MALRD1: variants seen among roughly 807,000 people sequenced by gnomAD.
The protein encoded by MALRD1 is MAM and LDL-receptor class A domain-containing protein 1.
A neutral mutation model predicts 242.1 loss-of-function variants in MALRD1; 247 were observed. That is an observed-to-expected ratio of 1.02 (90% CI 0.92 to 1.13). The LOEUF is 1.13. Ranked by LOEUF, MALRD1 falls within the 50% of genes most tolerant of loss-of-function variation. The probability of loss-of-function intolerance (pLI) is 0.00; values close to 1 mark genes in which losing one functional copy is unlikely to be tolerated. For missense variants in MALRD1, 2,989 were observed against 2,533.1 expected (o/e 1.18, Z -3.86); for synonymous variants, 995 against 866.6 (o/e 1.15, Z -2.60).
intron 29 of MALRD1, among the ~76,000 whole-genome samples, chr10:19,463,553 AGTGTGTGTGTGT>A (rs142025703): frequency 0.27 from 40,433 of 149,948 alleles, 5,745 homozygotes; most frequent in East Asian, 0.43. Flanking sequence ...GTGGCTGAGT[AGTGTGTGTGTGT>A]GTGTGTGTGT....
At chr10:19,574,166 A>G (rs1226508892) in intron 33 of MALRD1, among the ~76,000 whole-genome samples, 1 of 152,182 alleles carries the variant, frequency 6.6e-6, no homozygotes, top group Non-Finnish European at 1.5e-5. Flanking sequence ...AGAGACTCCC[A>G]TTCTTCTCTG....
At chr10:19,564,200 C>T (rs1589244738) in intron 32 of MALRD1, among the ~76,000 whole-genome samples, 1 of 152,170 alleles carries the variant, frequency 6.6e-6, no homozygotes, top group African/African-American at 2.4e-5. Flanking sequence ...TTTGTATTAC[C>T]TCTTCATATC....
chr10:19,686,807 C>A (rs1318426391), intron 36 of MALRD1, among the ~76,000 whole-genome samples: 1 of 152,120 alleles, frequency 6.6e-6, no homozygotes, highest in Admixed American at 6.5e-5. Context: ...TTGAAGGCGG[C>A]AACCACAGCA....
intron 32 of MALRD1, among the ~76,000 whole-genome samples, chr10:19,537,410 A>G (rs1377291296): frequency 1.3e-5 from 2 of 148,312 alleles, no homozygotes; most frequent in Admixed American, 1.3e-4. Context: ...TGCGAAGTCC[A>G]AGATCAAGGG....
At chr10:19,515,661 G>A (rs74661552) in intron 31 of MALRD1, among the ~76,000 whole-genome samples, 37,460 of 151,864 alleles carry the variant, frequency 0.25, 7,366 homozygotes, top group African/African-American at 0.55. Context: ...CCGGGTTCAC[G>A]CCATTCTCCT....
At chr10:19,238,495 T>C in intron 18 of MALRD1, among the ~76,000 whole-genome samples, 1 of 8,224 alleles carries the variant, frequency 1.2e-4, no homozygotes, top group Non-Finnish European at 1.9e-4. Context: ...ATATATAATA[T>C]ATAATATAAT....
chr10:19,140,318 T>C lies in MALRD1; in HGVS notation c.1411+3537T>C, dbSNP rs567352264. ...AAATATGCAAGAGAAAGCTTTGTCA[T>C]GATCTTAAAATATTACTTTAACTGA... On this transcript the variant is annotated intron_variant, in intron 10 of 39. Transcript: ENST00000454679. Among the ~76,000 whole-genome samples the C allele has an allele frequency of 2.0e-5, 3 of 152,342 alleles. No individual in the cohort carries two copies. The South Asian group carries it at 6.2e-4, about 32-fold the overall frequency.
Position 19,293,562 on chromosome 10 carries a change from T to A in MALRD1, c.3419+10381T>A, listed in dbSNP as rs577490782. Among the ~76,000 whole-genome samples the A allele has an allele frequency of 2.0e-5, 3 of 152,346 alleles. No homozygotes were observed. The East Asian group carries it at 5.8e-4, about 29-fold the overall frequency. On this transcript the variant is annotated intron_variant, in intron 21 of 39. Coordinates refer to ENST00000454679, the MANE Select transcript of MALRD1 (RefSeq NM_001142308.3). ...AAAGATATTTTATCTGGATAATTTT[T>A]AAAAATTAACTAGAAAAGAACGAGA...
chr10:19,140,201 G>A (rs980917099), intron 10 of MALRD1, among the ~76,000 whole-genome samples: 3 of 151,990 alleles, frequency 2.0e-5, no homozygotes, highest in Non-Finnish European at 2.9e-5. Context: ...AACTTCTGGA[G>A]GATTCATAAA....
chr10:19,383,064 T>C (rs2130791499), intron 26 of MALRD1, among the ~76,000 whole-genome samples: 1 of 152,296 alleles, frequency 6.6e-6, no homozygotes, highest in African/African-American at 2.4e-5. Flanking sequence ...AACTCTATGT[T>C]CACAGTTTAC....
intron 5 of MALRD1, among the ~76,000 whole-genome samples, chr10:19,114,878 T>A (rs1836815553): frequency 6.6e-6 from 1 of 152,194 alleles, no homozygotes; most frequent in African/African-American, 2.4e-5. Flanking sequence ...GGCTGTTTTC[T>A]CCCTGTGTCT....
intron 28 of MALRD1, among the ~76,000 whole-genome samples, chr10:19,425,626 T>A (rs971266822): frequency 6.6e-6 from 1 of 152,160 alleles, no homozygotes; most frequent in Non-Finnish European, 1.5e-5. Flanking sequence ...TGAGGGACAG[T>A]GTACCTGTTC....
chr10:19,530,350 ATAT>A (rs1834304248), intron 31 of MALRD1, among the ~76,000 whole-genome samples: 1 of 120,060 alleles, frequency 8.3e-6, no homozygotes, highest in African/African-American at 3.6e-5. Flanking sequence ...TTATATAAAT[ATAT>A]AATATTTATA....
chr10:19,330,871 A>G lies in MALRD1; in HGVS notation c.3688-498A>G, dbSNP rs533162314. 5.5e-4 allele frequency among the ~76,000 whole-genome samples: 83 copies of G among 152,288 alleles called. 1 individual carries two copies. Among genetic ancestry groups the G allele is most frequent in the African/African-American group, 1.9e-3 (78 of 41,562 alleles). ...AGATGTGTACAATTTAAAAAAAAAA[A>G]ACTCATGGTATTGAGGACTTATCTT... On this transcript the variant is annotated intron_variant, in intron 23 of 39. Transcript: ENST00000454679.
chr10:19,544,480 A>C (rs968826878), intron 32 of MALRD1, among the ~76,000 whole-genome samples: 1 of 151,702 alleles, frequency 6.6e-6, no homozygotes, highest in Non-Finnish European at 1.5e-5. Context: ...GAGTCACCAC[A>C]CCAGGCCTAC....
At chr10:19,617,435 C>G (rs1397526029) in intron 36 of MALRD1, among the ~76,000 whole-genome samples, 1 of 151,984 alleles carries the variant, frequency 6.6e-6, no homozygotes, top group African/African-American at 2.4e-5. Context: ...TAATGAACAT[C>G]AATGCAAACA....
chr10:19,171,752 G>GAT (rs549529117), intron 13 of MALRD1, among the ~76,000 whole-genome samples: 2 of 120,292 alleles, frequency 1.7e-5, no homozygotes, highest in East Asian at 2.6e-4. Context: ...TATAATATAC[G>GAT]ATATATATAC....
chr10:19,123,691 A>G (rs1395112696), intron 6 of MALRD1, 98 bp downstream of exon 6: 6 of 586,600 alleles, frequency 1.0e-5, no homozygotes, highest in Non-Finnish European at 7.5e-6. Context: ...CTTTGTTGAC[A>G]TTAATGTCCT....
intron 36 of MALRD1, among the ~76,000 whole-genome samples, chr10:19,687,416 C>G (rs1049257673): frequency 7.2e-4 from 110 of 152,128 alleles, no homozygotes; most frequent in African/African-American, 2.6e-3. Context: ...ATTTCCCATA[C>G]CCACCCACCA....
Sources: allele counts gnomAD v4.1 joint callset (sites outside exome capture counted in the v4.1 genomes callset), GRCh38; gene constraint gnomAD v4.1.1; transcripts MANE v1.5; gene names NCBI Gene and HGNC (gene_info 2026-07-23, HGNC 2026-07-21).